SRRM4: variants seen among roughly 807,000 people sequenced by gnomAD.
SRRM4 encodes the protein serine/arginine repetitive matrix 4, also known as serine/arginine repetitive matrix protein 4.
SRRM4 carries 33 observed loss-of-function variants against 68.9 expected under a neutral mutation model. The ratio of observed to expected loss-of-function variants is 0.48; its 90% CI spans 0.36 to 0.64. The LOEUF is 0.64. Among genes scored for constraint, SRRM4 ranks in the 30% least tolerant of loss-of-function variants. The probability of loss-of-function intolerance (pLI) is 0.00; values close to 1 mark genes in which losing one functional copy is unlikely to be tolerated. For synonymous variants in SRRM4, 318 were observed against 318.8 expected (o/e 1.00, Z 0.03); for missense variants, 817 against 827.1 (o/e 0.99, Z 0.15).
chr12:119,042,722 G>A (rs1953677609), intron 1 of SRRM4, among the ~76,000 whole-genome samples: 1 of 152,018 alleles, frequency 6.6e-6, no homozygotes, highest in African/African-American at 2.4e-5. Flanking sequence ...AGGGGAGATT[G>A]GAGATGGAGG....
At chr12:119,117,343 G>A (rs999440395) in intron 4 of SRRM4, among the ~76,000 whole-genome samples, 2 of 152,146 alleles carry the variant, frequency 1.3e-5, no homozygotes, top group Admixed American at 1.3e-4. Flanking sequence ...GTCCCCATGA[G>A]GGACATGGCT....
intron 1 of SRRM4, among the ~76,000 whole-genome samples, chr12:119,051,460 C>T (rs920537833): frequency 6.6e-6 from 1 of 152,050 alleles, no homozygotes; most frequent in African/African-American, 2.4e-5. Flanking sequence ...AGGGAAGCTG[C>T]TTTTTTTCTT....
rs775847275 is a variant in SRRM4, at chr12:119,145,631, A to C, written c.1022A>C (p.Asn341Thr). The change falls in exon 9 of 13, where the codon AAC becomes ACC. Residue 341 changes from asparagine (N) to threonine (T), a missense_variant. By Grantham distance (65) the Asn-to-Thr change is moderately conservative. Coordinates refer to ENST00000267260, the MANE Select transcript of SRRM4 (RefSeq NM_194286.4). ...GNSFTTSSPQ[N>T]KGAMLENLSP... ...TCCTTCACCACCTCCTCACCCCAGA[A>C]CAAGGGGGCCATGTTGGAGAATCTC... 1 of 1,540,980 alleles carries C rather than the reference A, an allele frequency of 6.5e-7. No individual in the cohort carries two copies. Among genetic ancestry groups the C allele is most frequent in the Admixed American group, 2.1e-5 (1 of 48,456 alleles).
intron 8 of SRRM4, among the ~76,000 whole-genome samples, chr12:119,136,375 AT>A (rs1243284806): frequency 3.3e-5 from 5 of 152,212 alleles, no homozygotes; most frequent in African/African-American, 1.2e-4. Flanking sequence ...AATATCCAAC[AT>A]TCAATACCAT....
chr12:119,028,711 C>T (rs527908634), intron 1 of SRRM4, among the ~76,000 whole-genome samples: 1 of 152,314 alleles, frequency 6.6e-6, no homozygotes, highest in South Asian at 2.1e-4. Flanking sequence ...AAAGTCCATG[C>T]TGTGTTTATT....
At chr12:119,070,924 T>A (rs889188691) in intron 1 of SRRM4, among the ~76,000 whole-genome samples, 4 of 152,174 alleles carry the variant, frequency 2.6e-5, no homozygotes, top group Non-Finnish European at 4.4e-5. Flanking sequence ...TTTACTCCAC[T>A]GCCTCTGAGG....
Position 119,044,205 on chromosome 12 carries a change from C to T in SRRM4, c.132-58031C>T, listed in dbSNP as rs1953689940. Among the ~76,000 whole-genome samples, 4 of 152,194 alleles carry T rather than the reference C, an allele frequency of 2.6e-5. No individual in the cohort carries two copies. The South Asian group carries it at 8.3e-4, about 32-fold the overall frequency. ...TCTAACACTAGGGTGGCACCAGGAC[C>T]CAGCCACCCTCCAGGCTATTTTCCA... On this transcript the variant is annotated intron_variant, in intron 1 of 12. Coordinates refer to ENST00000267260, the MANE Select transcript of SRRM4 (RefSeq NM_194286.4).
intron 1 of SRRM4, among the ~76,000 whole-genome samples, chr12:119,065,682 G>C (rs560688072): frequency 6.6e-6 from 1 of 152,174 alleles, no homozygotes; most frequent in South Asian, 2.1e-4. Flanking sequence ...TTGCAGGGAG[G>C]CAGAGGTTGC....
At chr12:119,125,302 C>T (rs1048014431) in intron 6 of SRRM4, 79 bp from the exon 7 acceptor site, 4 of 1,346,214 alleles carry the variant, frequency 3.0e-6, no homozygotes, top group Middle Eastern at 3.6e-4. Flanking sequence ...AAACGGGTGT[C>T]ACAAGATCAA....
At chr12:119,128,864 G>A (rs999733961) in intron 7 of SRRM4, among the ~76,000 whole-genome samples, 5 of 152,184 alleles carry the variant, frequency 3.3e-5, no homozygotes, top group Middle Eastern at 3.2e-3. Context: ...ACACTACCCC[G>A]GGCCTCCTCT....
At chr12:119,136,080 A>G (rs1954326149) in intron 8 of SRRM4, among the ~76,000 whole-genome samples, 2 of 152,200 alleles carry the variant, frequency 1.3e-5, no homozygotes, top group Admixed American at 6.5e-5. Context: ...CCTAGTTGCC[A>G]TAATATTTTT....
rs141477340 is a variant in SRRM4, at chr12:119,143,879, C to T, written c.772-1502C>T. Among the ~76,000 whole-genome samples the T allele has an allele frequency of 3.9e-3, 591 of 152,256 alleles. 2 individuals are homozygous for T. Among genetic ancestry groups the T allele is most frequent in the Non-Finnish European group, 6.2e-3 (420 of 68,020 alleles). On this transcript the variant is annotated intron_variant, in intron 8 of 12. Transcript: ENST00000267260. ...TGCCTTCTTGGTCCCCCAGATTTCT[C>T]ATCCCATAGGGATGGTTATCTCTGG... is the stretch of plus-strand genomic sequence containing the variant.
At chr12:119,107,442 CTGG>C (rs1205447145) in intron 2 of SRRM4, among the ~76,000 whole-genome samples, 1 of 152,156 alleles carries the variant, frequency 6.6e-6, no homozygotes, top group African/African-American at 2.4e-5. Context: ...GTGAATCCAT[CTGG>C]TCCTGGACTT....
chr12:119,069,542 C>T (rs1953865533), intron 1 of SRRM4: 2 of 152,180 alleles, frequency 1.3e-5, no homozygotes, highest in African/African-American at 4.8e-5. Flanking sequence ...ACAAAGACCC[C>T]TGTGTACAAA....
chr12:119,114,660 CTTT>C (rs68020424), intron 3 of SRRM4, among the ~76,000 whole-genome samples: 490 of 101,362 alleles, frequency 4.8e-3, no homozygotes, highest in Non-Finnish European at 7.6e-3. Context: ...GAAGCATAGT[CTTT>C]TTTTTTTTTT....
chr12:119,066,372 G>C (rs1358148781), intron 1 of SRRM4, among the ~76,000 whole-genome samples: 2 of 152,196 alleles, frequency 1.3e-5, no homozygotes, highest in Non-Finnish European at 2.9e-5. Flanking sequence ...AGCTTAAAGA[G>C]GGAAAGAAAC....
chr12:119,127,180 A>G (rs894221150), intron 7 of SRRM4, among the ~76,000 whole-genome samples: 2 of 151,954 alleles, frequency 1.3e-5, no homozygotes, highest in Non-Finnish European at 2.9e-5. Context: ...TGCACATTGT[A>G]TACATGTACC....
intron 1 of SRRM4, among the ~76,000 whole-genome samples, chr12:119,073,432 A>G (rs1953890261): frequency 6.6e-6 from 1 of 151,440 alleles, no homozygotes; most frequent in Non-Finnish European, 1.5e-5. Flanking sequence ...GATTCAAGCG[A>G]TTCTTCTTTC....
At chr12:118,999,089 A>C (rs1005193701) in intron 1 of SRRM4, among the ~76,000 whole-genome samples, 32 of 152,224 alleles carry the variant, frequency 2.1e-4, no homozygotes, top group African/African-American at 7.2e-4. Flanking sequence ...ATCTTGGTGA[A>C]GACAGGGCAA....
Sources: allele counts gnomAD v4.1 joint callset (sites outside exome capture counted in the v4.1 genomes callset), GRCh38; gene constraint gnomAD v4.1.1; transcripts MANE v1.5; gene names NCBI Gene and HGNC (gene_info 2026-07-23, HGNC 2026-07-21).